TRDN: variants seen among roughly 807,000 people sequenced by gnomAD.
The protein encoded by TRDN is triadin.
TRDN carries 161 observed loss-of-function variants against 149.7 expected under a neutral mutation model. That is an observed-to-expected ratio of 1.08 (90% CI 0.95 to 1.23). TRDN has a LOEUF of 1.23. Ranked by LOEUF, TRDN falls within the 50% of genes most tolerant of loss-of-function variation. The pLI is 0.00. For missense variants in TRDN, 896 were observed against 823.5 expected, an observed-to-expected ratio of 1.09 and a Z score of -1.08; for synonymous variants, 294 against 250.5, an observed-to-expected ratio of 1.17 and a Z score of -1.64.
At chr6:123,232,336 T>G (rs1442551161) in intron 38 of TRDN, among the ~76,000 whole-genome samples, 2 of 152,016 alleles carry the variant, frequency 1.3e-5, no homozygotes, top group Non-Finnish European at 2.9e-5. Flanking sequence ...GTAATTCAGC[T>G]TTACAATTTG....
At chr6:123,487,797 C>T (rs1001215343) in intron 9 of TRDN, among the ~76,000 whole-genome samples, 1 of 152,080 alleles carries the variant, frequency 6.6e-6, no homozygotes, top group Non-Finnish European at 1.5e-5. Flanking sequence ...CATTCACATA[C>T]AAACAAAGCA....
At chr6:123,565,961 C>G (rs1028201855) in intron 2 of TRDN, among the ~76,000 whole-genome samples, 7 of 152,222 alleles carry the variant, frequency 4.6e-5, no homozygotes, top group African/African-American at 1.7e-4. Flanking sequence ...AATTTCCACC[C>G]TGACTACTTT....
chr6:123,384,470 A>T (rs546964085), intron 14 of TRDN, among the ~76,000 whole-genome samples: 30 of 152,272 alleles, frequency 2.0e-4, no homozygotes, highest in African/African-American at 6.3e-4. Flanking sequence ...TTTGGGGGAA[A>T]TGTGGGAACA....
chr6:123,579,272 T>A (rs913118160), intron 1 of TRDN, among the ~76,000 whole-genome samples: 3 of 152,122 alleles, frequency 2.0e-5, no homozygotes, highest in East Asian at 3.9e-4. Flanking sequence ...ACGTTGGCTG[T>A]GGGTTTATCA....
intron 5 of TRDN, among the ~76,000 whole-genome samples, chr6:123,526,571 C>T (rs1023853509): frequency 5.9e-5 from 9 of 152,114 alleles, no homozygotes; most frequent in South Asian, 2.1e-4. Flanking sequence ...GGTAAACCTA[C>T]GTATTCTTAG....
At chr6:123,494,303 A>G (rs925672336) in intron 9 of TRDN, among the ~76,000 whole-genome samples, 2 of 152,146 alleles carry the variant, frequency 1.3e-5, no homozygotes, top group African/African-American at 4.8e-5. Flanking sequence ...AATCATCTTT[A>G]ATTCATGCAT....
At chr6:123,312,276 C>G (rs890771983) in intron 24 of TRDN, among the ~76,000 whole-genome samples, 1 of 151,902 alleles carries the variant, frequency 6.6e-6, no homozygotes, top group South Asian at 2.1e-4. Context: ...ATGCTTCTGA[C>G]CCATTTGCAT....
chr6:123,259,569 G>A, intron 35 of TRDN, 55 bp downstream of exon 35: 3 of 1,241,174 alleles, frequency 2.4e-6, no homozygotes, highest in South Asian at 1.4e-5. Flanking sequence ...TTTGTTTTTT[G>A]TTCCTCTGTT....
At chr6:123,499,717 A>ATAT (rs1204448159) in intron 8 of TRDN, among the ~76,000 whole-genome samples, 9 of 55,728 alleles carry the variant, frequency 1.6e-4, no homozygotes, top group African/African-American at 4.9e-4. Flanking sequence ...AAAAAAAAAA[A>ATAT]AAATATATAT....
chr6:123,534,481 T>C (rs1780419359), intron 4 of TRDN, among the ~76,000 whole-genome samples: 1 of 152,170 alleles, frequency 6.6e-6, no homozygotes, highest in African/African-American at 2.4e-5. Context: ...CAGTTCTGTC[T>C]CCTTACACTT....
chr6:123,274,015 A>T (rs924832656), intron 27 of TRDN, among the ~76,000 whole-genome samples: 1 of 152,088 alleles, frequency 6.6e-6, no homozygotes. Context: ...TTTGGTGCAA[A>T]TCAGACACGG....
chr6:123,280,716 CT>C (rs1777553398), intron 24 of TRDN, among the ~76,000 whole-genome samples: 1 of 150,348 alleles, frequency 6.7e-6, no homozygotes, highest in African/African-American at 2.5e-5. Flanking sequence ...TCTCAGAAGC[CT>C]TTTTCTGATG....
At chr6:123,479,217 T>C (rs917138853) in intron 9 of TRDN, among the ~76,000 whole-genome samples, 1 of 152,138 alleles carries the variant, frequency 6.6e-6, no homozygotes, top group African/African-American at 2.4e-5. Context: ...ATATTTGTGG[T>C]TTTTTTCCCC....
intron 26 of TRDN, 23 bp downstream of exon 26, chr6:123,278,295 G>T: frequency 7.9e-7 from 1 of 1,259,046 alleles, no homozygotes; most frequent in South Asian, 1.4e-5. Context: ...AATCATATAT[G>T]TGTATAAATA....
intron 5 of TRDN, among the ~76,000 whole-genome samples, chr6:123,524,289 T>C (rs1359402486): frequency 1.1e-4 from 16 of 152,120 alleles, no homozygotes; most frequent in Admixed American, 1.0e-3. Flanking sequence ...AAGAAGTCTG[T>C]TAGTTACCTG....
At chr6:123,504,019 G>T (rs767902941) in intron 7 of TRDN, 118 bp from the exon 8 acceptor site, 18 of 1,131,882 alleles carry the variant, frequency 1.6e-5, no homozygotes, top group Non-Finnish European at 2.1e-5. Flanking sequence ...TAAGTCACAA[G>T]TGTTTATGTT....
chr6:123,542,121 C>A (rs894367078), intron 4 of TRDN, among the ~76,000 whole-genome samples: 3 of 152,156 alleles, frequency 2.0e-5, no homozygotes, highest in African/African-American at 4.8e-5. Context: ...TTTAAACATG[C>A]GACTATAGGG....
intron 25 of TRDN, 55 bp downstream of exon 25, chr6:123,279,001 T>G: frequency 6.8e-7 from 1 of 1,473,818 alleles, no homozygotes; most frequent in South Asian, 1.3e-5. Flanking sequence ...AGATTTGTTT[T>G]ATGTATGTAT....
chr6:123,230,413 G>T (rs1775555634), intron 38 of TRDN, among the ~76,000 whole-genome samples: 1 of 151,888 alleles, frequency 6.6e-6, no homozygotes, highest in South Asian at 2.1e-4. Context: ...GGGAGGGATA[G>T]TATTAGGAGA....
Sources: allele counts gnomAD v4.1 joint callset (sites outside exome capture counted in the v4.1 genomes callset), GRCh38; gene constraint gnomAD v4.1.1; transcripts MANE v1.5; gene names NCBI Gene and HGNC (gene_info 2026-07-23, HGNC 2026-07-21).